The following CADM2 variants were observed in gnomAD, a reference collection of about 807,000 sequenced individuals.
CADM2 encodes the protein cell adhesion molecule 2, also known as immunoglobulin superfamily member 4D.
In CADM2, 12 loss-of-function variants were observed where a neutral mutation model predicts 49.8. The observed-to-expected ratio is 0.24, with a 90% CI of 0.15 to 0.39. The LOEUF is 0.39. Ranked by LOEUF, CADM2 falls within the 10% of genes least tolerant of loss-of-function variation. The pLI, the probability that CADM2 is intolerant of heterozygous loss-of-function variation, is 1.00. For synonymous variants in CADM2, 214 were observed against 175.4 expected, an observed-to-expected ratio of 1.22 and a Z score of -1.74; for missense variants, 378 against 492.3, an observed-to-expected ratio of 0.77 and a Z score of 2.20.
At chr3:86,022,944 A>G (rs1253803216) in intron 8 of CADM2, among the ~76,000 whole-genome samples, 2 of 152,196 alleles carry the variant, frequency 1.3e-5, no homozygotes, top group South Asian at 2.1e-4. Flanking sequence ...ACATCCATAT[A>G]TAGGCATCTT....
chr3:85,285,484 A>G (rs763333403), intron 1 of CADM2, among the ~76,000 whole-genome samples: 17 of 152,174 alleles, frequency 1.1e-4, no homozygotes, highest in Non-Finnish European at 2.2e-4. Context: ...GTTAGAAACT[A>G]ACATGCAAAT....
chr3:85,772,956 C>T (rs1577278237), intron 2 of CADM2, among the ~76,000 whole-genome samples: 3 of 149,556 alleles, frequency 2.0e-5, no homozygotes, highest in Non-Finnish European at 3.0e-5. Context: ...GATCATTTTG[C>T]TGTATGATTC....
At chr3:86,016,118 A>T (rs1732188035) in intron 8 of CADM2, among the ~76,000 whole-genome samples, 1 of 152,168 alleles carries the variant, frequency 6.6e-6, no homozygotes, top group Non-Finnish European at 1.5e-5. Context: ...TCATGTAATT[A>T]ACTCATGTCA....
intron 3 of CADM2, among the ~76,000 whole-genome samples, chr3:85,818,286 G>A (rs1432498458): frequency 3.9e-5 from 6 of 152,136 alleles, no homozygotes; most frequent in Non-Finnish European, 7.4e-5. Context: ...TCCTGACTCT[G>A]TTACTTTTCA....
intron 1 of CADM2, among the ~76,000 whole-genome samples, chr3:85,176,543 T>C (rs2040792454): frequency 6.6e-6 from 1 of 152,188 alleles, no homozygotes; most frequent in Non-Finnish European, 1.5e-5. Flanking sequence ...AACTGAAGAC[T>C]TGATTGCTTT....
chr3:85,912,204 A>T (rs1717699405), intron 5 of CADM2, among the ~76,000 whole-genome samples, 169 bp from the exon 6 acceptor site: 1 of 152,096 alleles, frequency 6.6e-6, no homozygotes, highest in Admixed American at 6.6e-5. Context: ...TTTTTAAGTA[A>T]TTGTAATTTT....
At chr3:85,890,421 C>T (rs1331431861) in intron 5 of CADM2, among the ~76,000 whole-genome samples, 1 of 152,076 alleles carries the variant, frequency 6.6e-6, no homozygotes, top group African/African-American at 2.4e-5. Flanking sequence ...CTCAGATAGG[C>T]AGAGGGATTA....
At chr3:85,968,292 G>T (rs2108633957) in intron 8 of CADM2, among the ~76,000 whole-genome samples, 1 of 151,788 alleles carries the variant, frequency 6.6e-6, no homozygotes, top group East Asian at 2.0e-4. Flanking sequence ...TCTGCAGAGA[G>T]AAATGGAATG....
intron 6 of CADM2, among the ~76,000 whole-genome samples, chr3:85,934,462 T>C (rs1281249725): frequency 1.3e-5 from 2 of 152,076 alleles, no homozygotes; most frequent in African/African-American, 4.8e-5. Flanking sequence ...ATGTGTATCA[T>C]ATTTTTTCAG....
chr3:85,941,254 T>C (rs929891091), intron 7 of CADM2, among the ~76,000 whole-genome samples: 3 of 152,088 alleles, frequency 2.0e-5, no homozygotes, highest in Admixed American at 2.0e-4. Context: ...CTCAGAAGTC[T>C]TACTTATATA....
chr3:85,084,476 G>T (rs2037295976), intron 1 of CADM2, among the ~76,000 whole-genome samples: 1 of 152,172 alleles, frequency 6.6e-6, no homozygotes, highest in Non-Finnish European at 1.5e-5. Flanking sequence ...TAGTAAACCA[G>T]TGTTCTCCAA....
At chr3:85,750,116 T>C (rs75028993) in intron 2 of CADM2, among the ~76,000 whole-genome samples, 1 of 152,078 alleles carries the variant, frequency 6.6e-6, no homozygotes, top group Non-Finnish European at 1.5e-5. Flanking sequence ...TGAACTCATC[T>C]TAAGACTTTT....
At chr3:85,956,465 A>G (rs967757644) in intron 7 of CADM2, among the ~76,000 whole-genome samples, 4 of 151,652 alleles carry the variant, frequency 2.6e-5, no homozygotes, top group Non-Finnish European at 1.5e-5. Flanking sequence ...TTTTTAATCT[A>G]TGCATAAACT....
chr3:85,078,860 TATAATAA>T (rs1188603976), intron 1 of CADM2, among the ~76,000 whole-genome samples: 12 of 151,864 alleles, frequency 7.9e-5, no homozygotes, highest in Admixed American at 7.9e-4. Flanking sequence ...CGTAGCACTT[TATAATAA>T]AGTTTAGGTA....
At chr3:84,965,677 T>C (rs1559593143) in intron 1 of CADM2, among the ~76,000 whole-genome samples, 1 of 152,206 alleles carries the variant, frequency 6.6e-6, no homozygotes, top group Non-Finnish European at 1.5e-5. Flanking sequence ...TGTGTTGGAC[T>C]TAATAACTGT....
rs2043144070 is a variant in CADM2 at position 85,267,339 on chromosome 3, A to C, written c.61+307671A>C. ...CCTCCTCTTTGCCGTTTTTTCAAAC[A>C]TGCAAGGCACACTCTTGCTCATTTA... On this transcript the variant is annotated intron_variant, in intron 1 of 9. Coordinates refer to ENST00000383699, the MANE Select transcript of CADM2 (RefSeq NM_001167675.2). 2.0e-5 allele frequency among the ~76,000 whole-genome samples: 3 copies of C among 151,542 alleles called. No homozygotes were observed. The South Asian group carries it at 6.2e-4, about 31-fold the overall frequency.
intron 6 of CADM2, among the ~76,000 whole-genome samples, chr3:85,929,116 A>G (rs148104034): frequency 1.6e-3 from 243 of 152,248 alleles, no homozygotes; most frequent in African/African-American, 5.8e-3. Flanking sequence ...GTACAATACA[A>G]TACATTATAT....
At position 85,336,457 on chromosome 3, in the gene CADM2, C is replaced by T. The variant is rs557284408; in HGVS notation, c.61+376789C>T. On this transcript the variant is annotated intron_variant, in intron 1 of 9. Transcript: ENST00000383699. ...TCAGACCATAAAATCAAATTGTTTA[C>T]GTAAAGCTCAATGGCAAATTGATAG... 1.1e-3 allele frequency among the ~76,000 whole-genome samples: 174 copies of T among 151,402 alleles called. No individual in the cohort carries two copies. In the South Asian group the frequency reaches 0.019, roughly 17 times the overall value.
At chr3:85,692,951 C>T (rs545558733) in intron 1 of CADM2, among the ~76,000 whole-genome samples, 9 of 152,138 alleles carry the variant, frequency 5.9e-5, no homozygotes, top group Admixed American at 1.3e-4. Flanking sequence ...AGAAGGAGGC[C>T]GGGCGGAGTG....
Sources: gnomAD v4.1 joint callset for allele counts (sites outside exome capture counted in the v4.1 genomes callset) on GRCh38, gnomAD v4.1.1 for gene constraint, MANE v1.5 for transcripts, NCBI Gene and HGNC (gene_info 2026-07-23, HGNC 2026-07-21) for gene names.